AHNAK: variants seen among roughly 807,000 people sequenced by gnomAD.
The protein encoded by AHNAK is AHNAK nucleoprotein, also known as neuroblast differentiation-associated protein AHNAK.
A neutral mutation model predicts 37.8 loss-of-function variants in AHNAK; 23 were observed. The observed-to-expected ratio is 0.61, with a 90% confidence interval of 0.44 to 0.86. AHNAK has a LOEUF of 0.86. AHNAK is among the 40% of genes least tolerant of loss of function. AHNAK has a pLI of 0.00. For missense variants in AHNAK, 7,411 were observed against 7,319.4 expected (o/e 1.01, Z -0.46); for synonymous variants, 2,481 against 2,636.3 (o/e 0.94, Z 1.80).
chr11:62,464,439 G>A (rs1297353), intron 5 of AHNAK, among the ~76,000 whole-genome samples: 56,453 of 151,730 alleles, frequency 0.37, 12,798 homozygotes, highest in South Asian at 0.68. Context: ...AGGCTGAAGC[G>A]GGTGGATCAC....
At chr11:62,493,328 CTTTCTTTTTTTTT>C (rs905391677) in intron 4 of AHNAK, among the ~76,000 whole-genome samples, 2 of 125,186 alleles carry the variant, frequency 1.6e-5, no homozygotes, top group African/African-American at 3.5e-5. Flanking sequence ...TTCTTTCTTT[CTTTCTTTTTTTTT>C]TTTTTTTTTG....
At position 62,522,356 on chromosome 11, in the gene AHNAK, C is replaced by T. The variant is rs1467679817; in HGVS notation, c.12061G>A (p.Val4021Ile). The change falls in exon 5 of 5, where the codon GTT becomes ATT. Residue 4021 changes from valine to isoleucine, a missense_variant. Val to Ile is a conservative substitution (Grantham distance 29). Transcript: ENST00000378024. Reference sequence around the variant, plus strand: ...TCACCTTCCATCTTAGGCAGAGAAACATCCACATCTCCTTTCACCTTAGGG... The same window carrying T: ...TCACCTTCCATCTTAGGCAGAGAAATATCCACATCTCCTTTCACCTTAGGG... ...KGPKVKGDVD[V>I]SLPKMEGDLK... is the part of the protein sequence containing the mutation. The T allele has an allele frequency of 1.2e-6, 2 of 1,613,762 alleles. No individual in the cohort carries two copies. The highest frequency in any genetic ancestry group is 1.7e-6 in the Non-Finnish European group (2 of 1,179,966).
rs773963088 is a variant in AHNAK, at chr11:62,525,011, C to T, written c.9406G>A (p.Ala3136Thr). Residue 3136 changes from alanine (A) to threonine (T), a missense_variant, in exon 5 of 5, where the codon GCC (alanine) becomes ACC (threonine). Ala to Thr is a moderately conservative substitution (Grantham distance 58). Coordinates refer to ENST00000378024, the MANE Select transcript of AHNAK (RefSeq NM_001620.3). ...GGGCCTTGAACATCCACATCTGGGGCATTAATATCCACTTTGGGGCCTTTA... is the reference window on the plus strand; with the variant it reads ...GGGCCTTGAACATCCACATCTGGGGTATTAATATCCACTTTGGGGCCTTTA... ...DIKGPKVDIN[A>T]PDVDVQGPDW... 19 of 1,613,594 alleles carry T rather than the reference C, an allele frequency of 1.2e-5. No individual in the cohort carries two copies. In the Admixed American group the frequency reaches 1.5e-4, roughly 13 times the overall value.
intron 4 of AHNAK, among the ~76,000 whole-genome samples, chr11:62,495,108 A>C (rs966495847): frequency 1.1e-4 from 17 of 152,048 alleles, no homozygotes; most frequent in Admixed American, 1.3e-4. Flanking sequence ...TCAAGGCTAC[A>C]GTGAGCTGTG....
rs147065203 is a variant in AHNAK, at chr11:62,531,676, C to A, written c.2741G>T (p.Gly914Val). The part of the protein sequence containing the change: ...ADVDISGPKV[G>V]VEVPDVNIEG... Reference sequence around the variant, plus strand: ...AATATTCACATCTGGAACTTCAACACCCACCTTGGGTCCTGAGATGTCCAC... The same window carrying A: ...AATATTCACATCTGGAACTTCAACAACCACCTTGGGTCCTGAGATGTCCAC... Residue 914 changes from glycine to valine, a missense_variant, in exon 5 of 5, where the codon GGT becomes GTT. Coordinates refer to ENST00000378024, the MANE Select transcript of AHNAK (RefSeq NM_001620.3). 169 of 1,613,950 alleles carry A rather than the reference C, an allele frequency of 1.0e-4. 2 individuals are homozygous for A. The African/African-American group carries it at 2.1e-3, about 20-fold the overall frequency.
chr11:62,452,836 C>A (rs1414320259), intron 5 of AHNAK, among the ~76,000 whole-genome samples: 1 of 152,010 alleles, frequency 6.6e-6, no homozygotes, highest in East Asian at 1.9e-4. Context: ...ACCAGCCTGG[C>A]CAACACGGTG....
chr11:62,446,671 C>T (rs542913895), intron 5 of AHNAK, among the ~76,000 whole-genome samples: 3 of 152,168 alleles, frequency 2.0e-5, no homozygotes, highest in Non-Finnish European at 2.9e-5. Flanking sequence ...TGTCATCCAC[C>T]TTCCTGCCCT....
chr11:62,535,142 C>A lies in AHNAK; in HGVS notation c.203G>T (p.Gly68Val). The change falls in exon 4 of 5, where the codon GGT becomes GTT. Residue 68 changes from glycine (G) to valine (V), a missense_variant. By Grantham distance (109) the Gly-to-Val change is moderately radical (BLOSUM62 -3). Coordinates refer to ENST00000378024, the MANE Select transcript of AHNAK (RefSeq NM_001620.3). ...ATIYFDNLQS[G>V]EVTQLLNTMG... ...GGTGTTCAGCAGCTGGGTCACCTCA[C>A]CCGACTGCAGGTTGTCAAAGTAGAT... The A allele has an allele frequency of 6.2e-7, 1 of 1,613,348 alleles. No individual in the cohort carries two copies. Among genetic ancestry groups the A allele is most frequent in the South Asian group, 1.1e-5 (1 of 91,082 alleles).
chr11:62,480,692 G>A (rs7937907), intron 5 of AHNAK, among the ~76,000 whole-genome samples: 13,253 of 150,132 alleles, frequency 0.088, 1,938 homozygotes, highest in African/African-American at 0.31. Flanking sequence ...AGAAAAAAAA[G>A]AAAGGCCTGA....
rs771791577 is a variant in AHNAK, at chr11:62,529,356, A to C, written c.5061T>G (p.Val1687=). 6.2e-7 allele frequency: 1 copy of C among 1,613,980 alleles called. No individual in the cohort carries two copies. The highest frequency in any genetic ancestry group is 8.5e-7 in the Non-Finnish European group (1 of 1,179,982). ...KVEGEMKVPD[V]DIKGPKVDID... is the part of the protein sequence containing the mutation. ...TGTCCACTTTGGGCCCTTTAATGTC[A>C]ACATCTGGCACTTTCATTTCACCTT... The change falls in exon 5 of 5, where the codon GTT becomes GTG. Residue 1687 remains valine (V), a synonymous_variant. Transcript: ENST00000378024.
Position 62,531,471 on chromosome 11 carries a change from G to A in AHNAK, c.2946C>T (p.Val982=). The change falls in exon 5 of 5, where the codon GTC becomes GTT. Residue 982 remains valine (V), a synonymous_variant. Transcript: ENST00000378024. The stretch of plus-strand genomic sequence containing the variant: ...CCTGCATTTCAACATCTGGGGCACT[G>A]ACATCTACTTTTGGGCCTTTCAGGT... ...EGDLKGPKVD[V]SAPDVEMQGP... The A allele has an allele frequency of 6.2e-7, 1 of 1,614,204 alleles. No homozygotes were observed. Among genetic ancestry groups the A allele is most frequent in the Non-Finnish European group, 8.5e-7 (1 of 1,180,034 alleles).
intron 4 of AHNAK, among the ~76,000 whole-genome samples, chr11:62,496,590 T>C (rs916465138): frequency 6.6e-6 from 1 of 151,884 alleles, no homozygotes; most frequent in Admixed American, 6.6e-5. Context: ...AGGTCAGGAG[T>C]TCGAGACCAG....
intron 5 of AHNAK, among the ~76,000 whole-genome samples, chr11:62,458,888 T>C (rs1451786763): frequency 6.6e-6 from 1 of 152,158 alleles, no homozygotes; most frequent in Non-Finnish European, 1.5e-5. Flanking sequence ...ACCCCAGCTG[T>C]TTCAAAGTCC....
chr11:62,445,258 C>G (rs530881781), intron 5 of AHNAK, among the ~76,000 whole-genome samples: 3 of 152,112 alleles, frequency 2.0e-5, no homozygotes, highest in Non-Finnish European at 4.4e-5. Context: ...TGAACATTCC[C>G]GCTAAGAACT....
chr11:62,499,636 A>G (rs1357139533), intron 4 of AHNAK, among the ~76,000 whole-genome samples: 1 of 152,174 alleles, frequency 6.6e-6, no homozygotes, highest in Non-Finnish European at 1.5e-5. Context: ...GAGACTGTGA[A>G]CCAAGCCACA....
At position 62,520,805 on chromosome 11, in the gene AHNAK, C is replaced by T. The variant is rs556764768; in HGVS notation, c.13612G>A (p.Asp4538Asn). 1.2e-6 allele frequency: 2 copies of T among 1,614,034 alleles called. No individual in the cohort carries two copies. The highest frequency in any genetic ancestry group is 2.7e-5 in the African/African-American group (2 of 74,966). The change falls in exon 5 of 5, where the codon GAC (aspartate) becomes AAC (asparagine). Residue 4538 changes from aspartate (D) to asparagine (N), a missense_variant. Asp to Asn is a conservative substitution (Grantham distance 23). Coordinates refer to ENST00000378024, the MANE Select transcript of AHNAK (RefSeq NM_001620.3). Reference protein sequence around the residue: ...LKGPKIKGDMDISVPKLEGDL... With the variant: ...LKGPKIKGDMNISVPKLEGDL... ...CCCTCCAGTTTAGGAACGGAAATGT[C>T]CATATCTCCTTTTATCTTAGGTCCT... is the stretch of plus-strand genomic sequence containing the variant.
At chr11:62,488,139 A>G (rs1398450005) in intron 5 of AHNAK, among the ~76,000 whole-genome samples, 6 of 152,234 alleles carry the variant, frequency 3.9e-5, no homozygotes, top group Non-Finnish European at 1.5e-5. Flanking sequence ...TGGCTCTGCA[A>G]AGGTGCTCAG....
intron 4 of AHNAK, among the ~76,000 whole-genome samples, chr11:62,495,619 G>C (rs542142856): frequency 6.6e-6 from 1 of 151,208 alleles, no homozygotes; most frequent in South Asian, 2.1e-4. Context: ...TGCACCTGTA[G>C]TCCCAGCTAC....
chr11:62,544,709 A>C (rs1254270314), intron 1 of AHNAK, among the ~76,000 whole-genome samples: 1 of 152,030 alleles, frequency 6.6e-6, no homozygotes, highest in Non-Finnish European at 1.5e-5. Flanking sequence ...AGGACTGGAG[A>C]AGGAAGCTTC....
Sources: allele counts gnomAD v4.1 joint callset (sites outside exome capture counted in the v4.1 genomes callset), GRCh38; gene constraint gnomAD v4.1.1; transcripts MANE v1.5; gene names NCBI Gene and HGNC (gene_info 2026-07-23, HGNC 2026-07-21).